KANSL3: variants seen among roughly 807,000 people sequenced by gnomAD.
The protein encoded by KANSL3 is NSL complex protein NSL3.
In KANSL3, 16 loss-of-function variants were observed where a neutral mutation model predicts 89.2. The ratio of observed to expected loss-of-function variants is 0.18; its 90% CI spans 0.12 to 0.27. The LOEUF is 0.27. Among genes scored for constraint, KANSL3 ranks in the 10% least tolerant of loss-of-function variants. KANSL3 has a pLI of 1.00. For missense variants in KANSL3, 879 were observed against 1,110.6 expected, an observed-to-expected ratio of 0.79 and a Z score of 2.96; for synonymous variants, 385 against 419.7, an observed-to-expected ratio of 0.92 and a Z score of 1.01.
At position 96,604,231 on chromosome 2, in the gene KANSL3, A is replaced by G; in HGVS notation, c.2149+19T>C. On this transcript the variant is annotated intron_variant, in intron 17 of 20. Transcript: ENST00000431828. ...AAAAATTCTGTGTTGGAAGGGGAGA[A>G]TGCTGGGCCACAAGATACCTGGGAG... is the stretch of plus-strand genomic sequence containing the variant. 1.3e-6 allele frequency: 2 copies of G among 1,586,262 alleles called. No homozygotes were observed. Among genetic ancestry groups the G allele is most frequent in the Non-Finnish European group, 1.7e-6 (2 of 1,168,840 alleles).
intron 10 of KANSL3, 38 bp downstream of exon 10, chr2:96,611,026 T>C: frequency 6.2e-7 from 1 of 1,604,600 alleles, no homozygotes; most frequent in Non-Finnish European, 8.5e-7. Flanking sequence ...GCGCTCCCAC[T>C]GCCAATGACC....
intron 7 of KANSL3, 78 bp from the exon 8 acceptor site, chr2:96,612,641 CA>C: frequency 7.6e-7 from 1 of 1,323,212 alleles, no homozygotes; most frequent in Non-Finnish European, 1.1e-6. Context: ...AACCTAAACC[CA>C]AAACCTTGGA....
chr2:96,633,657 G>C (rs2073828142), intron 2 of KANSL3, among the ~76,000 whole-genome samples: 2 of 151,626 alleles, frequency 1.3e-5, no homozygotes, highest in Non-Finnish European at 2.9e-5. Context: ...CCTGAGCTCA[G>C]GAGTTTGCAA....
At chr2:96,614,331 T>C (rs973571612) in intron 5 of KANSL3, among the ~76,000 whole-genome samples, 3 of 152,172 alleles carry the variant, frequency 2.0e-5, no homozygotes, top group Non-Finnish European at 2.9e-5. Context: ...TGACCTCAAA[T>C]GATCCACCCG....
At chr2:96,621,824 A>G (rs548399937) in intron 3 of KANSL3, among the ~76,000 whole-genome samples, 1 of 152,122 alleles carries the variant, frequency 6.6e-6, no homozygotes, top group South Asian at 2.1e-4. Context: ...CTCTACTTCA[A>G]AATTAAACAG....
intron 2 of KANSL3, among the ~76,000 whole-genome samples, chr2:96,634,546 T>C (rs898616710): frequency 7.9e-5 from 12 of 151,794 alleles, no homozygotes; most frequent in Non-Finnish European, 1.6e-4. Flanking sequence ...AAACAAATCC[T>C]AGTGCCCCAA....
chr2:96,627,002 A>G (rs1354003674), intron 3 of KANSL3, among the ~76,000 whole-genome samples: 1 of 152,256 alleles, frequency 6.6e-6, no homozygotes, highest in Non-Finnish European at 1.5e-5. Flanking sequence ...TTCATGTGTC[A>G]TGAAACAGTA....
rs1033950251 is a variant in KANSL3 at position 96,613,702 on chromosome 2, C to T, written c.664-83G>A. The T allele has an allele frequency of 4.4e-6, 6 of 1,355,730 alleles. No homozygotes were observed. In the African/African-American group the frequency reaches 7.2e-5, roughly 16 times the overall value. 84.0% of individuals were successfully genotyped at this position (1,355,730 alleles called of 1,614,324 possible). A position where few individuals can be genotyped will look rare whatever the true frequency, so the allele number is the denominator to read the frequency against. On this transcript the variant is annotated intron_variant, in intron 5 of 20. Transcript: ENST00000431828. ...CAGCAATCAAGCAGAAGAACAGAGC[C>T]CCACTATAAGCCATAGACAGACTTC...
intron 3 of KANSL3, among the ~76,000 whole-genome samples, chr2:96,628,850 G>A (rs1573609437): frequency 6.6e-6 from 1 of 151,854 alleles, no homozygotes; most frequent in East Asian, 1.9e-4. Context: ...TACCACAAAG[G>A]GATACATAAC....
chr2:96,608,824 T>C, intron 13 of KANSL3, 40 bp downstream of exon 13: 1 of 1,525,328 alleles, frequency 6.6e-7, no homozygotes, highest in Non-Finnish European at 8.8e-7. Context: ...TCTGTGGTGC[T>C]GATTCCCCAG....
chr2:96,608,703 A>G, intron 13 of KANSL3, 39 bp from the exon 14 acceptor site: 1 of 1,613,084 alleles, frequency 6.2e-7, no homozygotes, highest in Non-Finnish European at 8.5e-7. Context: ...AGACAATGTT[A>G]CTAGGATCTG....
chr2:96,619,349 A>G lies in KANSL3; in HGVS notation c.663+10T>C, dbSNP rs1486372605. 1 of 1,605,072 alleles carries G rather than the reference A, an allele frequency of 6.2e-7. No homozygotes were observed. The highest frequency in any genetic ancestry group is 8.5e-7 in the Non-Finnish European group (1 of 1,174,814). ...CCCTAGGACAGGGCAGACCCCAATC[A>G]CAGCCTTACCTTCCCCTTCAGCGTC... On this transcript the variant is annotated intron_variant, in intron 5 of 20. Transcript: ENST00000431828.
At chr2:96,614,252 C>G (rs2069543689) in intron 5 of KANSL3, among the ~76,000 whole-genome samples, 1 of 152,020 alleles carries the variant, frequency 6.6e-6, no homozygotes, top group Non-Finnish European at 1.5e-5. Flanking sequence ...ACCACCATAC[C>G]CAGCTAATTT....
chr2:96,604,369 G>A lies in KANSL3; in HGVS notation c.2030C>T (p.Ser677Phe). The A allele has an allele frequency of 6.2e-7, 1 of 1,611,628 alleles. No individual in the cohort carries two copies. Among genetic ancestry groups the A allele is most frequent in the Non-Finnish European group, 8.5e-7 (1 of 1,179,828 alleles). Residue 677 changes from serine to phenylalanine, a missense_variant, in exon 17 of 21, where the codon TCT becomes TTT. Around this residue, in one of 6 missense-constraint regions of KANSL3, gnomAD observed 317 missense variants for 311.2 expected, o/e 1.02. Coordinates refer to ENST00000431828, the MANE Select transcript of KANSL3 (RefSeq NM_001115016.3). ...GLLTTAKSSS[S>F]EGGVSASPVP... ...TGGGCTGGCTGAGACTCCACCTTCA[G>A]AAGAACTGGACCTGGAGACAAAGGA...
intron 3 of KANSL3, among the ~76,000 whole-genome samples, chr2:96,622,524 ACT>A (rs1412626305): frequency 6.6e-6 from 1 of 151,996 alleles, no homozygotes; most frequent in African/African-American, 2.4e-5. Flanking sequence ...GTACAAAAGA[ACT>A]CTCTCTGTAT....
intron 14 of KANSL3, among the ~76,000 whole-genome samples, chr2:96,608,187 T>C (rs888530879): frequency 1.3e-5 from 2 of 151,978 alleles, no homozygotes; most frequent in Non-Finnish European, 2.9e-5. Flanking sequence ...AATCACCCAA[T>C]ACATATGATT....
intron 2 of KANSL3, among the ~76,000 whole-genome samples, chr2:96,636,223 C>T (rs1216021068): frequency 6.6e-6 from 1 of 152,174 alleles, no homozygotes; most frequent in Non-Finnish European, 1.5e-5. Flanking sequence ...ATTTGATCAC[C>T]ATAACGGAAT....
intron 3 of KANSL3, among the ~76,000 whole-genome samples, chr2:96,628,889 C>T (rs2072887375): frequency 6.6e-6 from 1 of 152,152 alleles, no homozygotes; most frequent in African/African-American, 2.4e-5. Flanking sequence ...TCAGCCACCA[C>T]TAACTGGTCT....
At chr2:96,629,447 C>T (rs1039247022) in intron 3 of KANSL3, among the ~76,000 whole-genome samples, 1 of 152,092 alleles carries the variant, frequency 6.6e-6, no homozygotes, top group East Asian at 1.9e-4. Flanking sequence ...CTCAGCCTCC[C>T]GAGTAGCTGG....
Sources: allele counts gnomAD v4.1 joint callset (sites outside exome capture counted in the v4.1 genomes callset), GRCh38; gene constraint gnomAD v4.1.1; regional missense constraint gnomAD v4.1.1; transcripts MANE v1.5; gene names NCBI Gene and HGNC (gene_info 2026-07-23, HGNC 2026-07-21).